The following ATOSA variants were observed in gnomAD, a reference collection of about 807,000 sequenced individuals.
ATOSA encodes atos homolog A.
the ATOSA span, chr15:52,601,106 C>T: frequency 1.3e-6 from 2 of 1,538,034 alleles, no homozygotes; most frequent in Non-Finnish European, 1.8e-6. Context: ...AGAAGCTTTT[C>T]AGATGTAGTA....
At chr15:52,673,087 T>C in the ATOSA span, among the ~76,000 whole-genome samples, 91 of 152,350 alleles carry the variant, frequency 6.0e-4, no homozygotes, top group East Asian at 5.2e-3. Context: ...GTTTCTTCTT[T>C]AGAAAATGTC....
the ATOSA span, among the ~76,000 whole-genome samples, chr15:52,628,807 A>C: frequency 6.6e-6 from 1 of 151,488 alleles, no homozygotes; most frequent in South Asian, 2.1e-4. Context: ...CAAAACAAAA[A>C]CTCTATTTTA....
chr15:52,581,993 G>C, the ATOSA span: 22 of 571,188 alleles, frequency 3.9e-5, no homozygotes, highest in Non-Finnish European at 6.0e-5. Flanking sequence ...AGTCTACATG[G>C]AATATATGGA....
the ATOSA span, chr15:52,655,912 T>C: frequency 6.6e-6 from 1 of 152,128 alleles, no homozygotes; most frequent in Non-Finnish European, 1.5e-5. Flanking sequence ...TTTCTCTAAG[T>C]GCTACAAACC....
the ATOSA span, among the ~76,000 whole-genome samples, chr15:52,696,933 C>T: frequency 6.6e-6 from 1 of 151,844 alleles, no homozygotes; most frequent in Non-Finnish European, 1.5e-5. Flanking sequence ...GGGTTCAAGG[C>T]CAGAAAAGAT....
chr15:52,611,864 A>G, the ATOSA span: 3 of 1,236,224 alleles, frequency 2.4e-6, no homozygotes, highest in Non-Finnish European at 3.4e-6. Flanking sequence ...TAAAGTAGAC[A>G]TCTGTGTGAG....
At chr15:52,689,827 C>T in the ATOSA span, among the ~76,000 whole-genome samples, 2 of 152,180 alleles carry the variant, frequency 1.3e-5, no homozygotes, top group Non-Finnish European at 2.9e-5. Flanking sequence ...GAGTTAGTAG[C>T]AGCTGGAGCA....
the ATOSA span, among the ~76,000 whole-genome samples, chr15:52,588,649 T>C: frequency 1.3e-5 from 2 of 152,084 alleles, no homozygotes; most frequent in Admixed American, 1.3e-4. Context: ...GGGGCGGTGG[T>C]TCTACCATGT....
At chr15:52,620,087 G>A in the ATOSA span, among the ~76,000 whole-genome samples, 3 of 152,110 alleles carry the variant, frequency 2.0e-5, no homozygotes, top group Admixed American at 6.5e-5. Flanking sequence ...CTGGAGTGTA[G>A]CAGCTTCTTA....
chr15:52,584,786 T>C, the ATOSA span: 1 of 1,613,782 alleles, frequency 6.2e-7, no homozygotes, highest in Non-Finnish European at 8.5e-7. Context: ...CTTCTGTGTG[T>C]CGGATGTTCT....
chr15:52,697,756 A>G, the ATOSA span, among the ~76,000 whole-genome samples: 1 of 152,032 alleles, frequency 6.6e-6, no homozygotes, highest in South Asian at 2.1e-4. Context: ...AACCAGCCCA[A>G]TAAAAAATTG....
the ATOSA span, among the ~76,000 whole-genome samples, chr15:52,670,942 C>CT: frequency 1.3e-5 from 2 of 152,094 alleles, no homozygotes; most frequent in South Asian, 4.1e-4. Context: ...ACTCTAAATC[C>CT]TTTGAGTTTT....
At chr15:52,685,236 C>T in the ATOSA span, among the ~76,000 whole-genome samples, 1 of 152,074 alleles carries the variant, frequency 6.6e-6, no homozygotes, top group Non-Finnish European at 1.5e-5. Flanking sequence ...TGCTGCTTGC[C>T]CTAATCTTTT....
At chr15:52,681,813 G>T in the ATOSA span, among the ~76,000 whole-genome samples, 1 of 152,166 alleles carries the variant, frequency 6.6e-6, no homozygotes, top group South Asian at 2.1e-4. Flanking sequence ...TTGTTGAAAT[G>T]GGTGGTGTAT....
chr15:52,660,152 G>A, the ATOSA span, among the ~76,000 whole-genome samples: 1 of 152,194 alleles, frequency 6.6e-6, no homozygotes, highest in African/African-American at 2.4e-5. Flanking sequence ...AGTAGTTGTT[G>A]AGCAAGCAAC....
the ATOSA span, among the ~76,000 whole-genome samples, chr15:52,659,197 T>C: frequency 1.3e-5 from 2 of 152,152 alleles, no homozygotes; most frequent in Non-Finnish European, 2.9e-5. Flanking sequence ...AAACCACAAG[T>C]TTCTGAGGGC....
At chr15:52,708,019 G>A in the ATOSA span, among the ~76,000 whole-genome samples, 1 of 152,184 alleles carries the variant, frequency 6.6e-6, no homozygotes, top group African/African-American at 2.4e-5. Context: ...AACCTCAGGA[G>A]GCTTGGAGAT....
At chr15:52,608,302 C>T in the ATOSA span, among the ~76,000 whole-genome samples, 1 of 152,006 alleles carries the variant, frequency 6.6e-6, no homozygotes, top group Non-Finnish European at 1.5e-5. Context: ...CAATTACTGT[C>T]CTATTAACAG....
the ATOSA span, among the ~76,000 whole-genome samples, chr15:52,697,130 C>T: frequency 1.3e-5 from 2 of 152,198 alleles, no homozygotes; most frequent in African/African-American, 2.4e-5. Flanking sequence ...TTCCTTCTTT[C>T]TCCTATCCTA....
Sources: gnomAD v4.1 joint callset for allele counts (sites outside exome capture counted in the v4.1 genomes callset) on GRCh38, gnomAD v4.1.1 for gene constraint, MANE v1.5 for transcripts, NCBI Gene and HGNC (gene_info 2026-07-23, HGNC 2026-07-21) for gene names.